MYO5B: variants seen among roughly 807,000 people sequenced by gnomAD.
MYO5B encodes the protein unconventional myosin-Vb.
A neutral mutation model predicts 229.3 loss-of-function variants in MYO5B; 143 were observed. That is an observed-to-expected ratio of 0.62 (90% CI 0.54 to 0.72). The LOEUF (loss-of-function observed/expected upper bound fraction) is 0.72, where lower values mean the gene tolerates loss of function less well. MYO5B is among the 30% of genes least tolerant of loss of function. The pLI, the probability that MYO5B is intolerant of heterozygous loss-of-function variation, is 0.00. For synonymous variants in MYO5B, 918 were observed against 885.2 expected, an observed-to-expected ratio of 1.04 and a Z score of -0.66; for missense variants, 2,321 against 2,331.0, an observed-to-expected ratio of 1.00 and a Z score of 0.09.
chr18:49,922,254 C>T (rs1017276186), intron 17 of MYO5B, among the ~76,000 whole-genome samples: 9 of 152,220 alleles, frequency 5.9e-5, no homozygotes, highest in African/African-American at 2.2e-4. Context: ...TCCCCAGACA[C>T]AGTAGGCATA....
chr18:50,036,021 T>G, intron 4 of MYO5B, among the ~76,000 whole-genome samples: 1 of 152,150 alleles, frequency 6.6e-6, no homozygotes, highest in East Asian at 1.9e-4. Flanking sequence ...ATTCTCCCCC[T>G]ACAAAAATCA....
intron 22 of MYO5B, among the ~76,000 whole-genome samples, chr18:49,887,614 C>T (rs2024658794): frequency 6.6e-6 from 1 of 152,176 alleles, no homozygotes; most frequent in Non-Finnish European, 1.5e-5. Flanking sequence ...CAGCACTACA[C>T]TTCCTGTACA....
chr18:49,864,220 T>A lies in MYO5B; in HGVS notation c.3764A>T (p.Glu1255Val). The change falls in exon 28 of 40, where the codon GAG (glutamate) becomes GTG (valine). Residue 1255 changes from glutamate (E) to valine (V), a missense_variant. Glu to Val is a moderately radical substitution (Grantham distance 121, BLOSUM62 -2). Around this residue, in one of 2 missense-constraint regions of MYO5B, gnomAD observed 2,113 missense variants for 2,044.7 expected, o/e 1.03. Transcript: ENST00000285039. The stretch of plus-strand genomic sequence containing the variant: ...GATGAGCACCTCCTCCTTGCGCACC[T>A]CGAGCTCCTCGTGGGCCAGCTTGAG... ...NQLKLAHEEL[E>V]VRKEEVLILR... 1 of 1,613,918 alleles carries A rather than the reference T, an allele frequency of 6.2e-7. No homozygotes were observed. The highest frequency in any genetic ancestry group is 8.5e-7 in the Non-Finnish European group (1 of 1,180,034).
chr18:49,860,188 G>T (rs1164257189), intron 29 of MYO5B, among the ~76,000 whole-genome samples: 1 of 152,090 alleles, frequency 6.6e-6, no homozygotes, highest in Non-Finnish European at 1.5e-5. Flanking sequence ...AGGAATCAAA[G>T]GAGCACTGTC....
At chr18:49,944,017 T>C (rs935141886) in intron 14 of MYO5B, among the ~76,000 whole-genome samples, 2 of 152,148 alleles carry the variant, frequency 1.3e-5, no homozygotes, top group African/African-American at 4.8e-5. Context: ...CAACGTACAA[T>C]GTACACAGTG....
intron 1 of MYO5B, among the ~76,000 whole-genome samples, chr18:50,078,903 T>C (rs891589648): frequency 5.9e-5 from 9 of 152,218 alleles, no homozygotes; most frequent in African/African-American, 2.2e-4. Flanking sequence ...CAGCATACTA[T>C]ACAGCAATGA....
chr18:50,080,153 C>T (rs990778761), intron 1 of MYO5B, among the ~76,000 whole-genome samples: 1 of 152,182 alleles, frequency 6.6e-6, no homozygotes, highest in Non-Finnish European at 1.5e-5. Flanking sequence ...AACAACCCAT[C>T]AACCAGTACC....
chr18:49,867,105 G>A (rs1237306120), intron 27 of MYO5B, among the ~76,000 whole-genome samples: 4 of 152,184 alleles, frequency 2.6e-5, no homozygotes, highest in African/African-American at 9.7e-5. Flanking sequence ...GCAGTGAGCT[G>A]GTCATCGCAG....
chr18:49,909,627 T>C (rs1241921576), intron 18 of MYO5B, among the ~76,000 whole-genome samples: 2 of 152,248 alleles, frequency 1.3e-5, no homozygotes, highest in Non-Finnish European at 2.9e-5. Flanking sequence ...GTCATTTATG[T>C]GTTCACAGTC....
chr18:49,991,142 A>C (rs2025928081), intron 6 of MYO5B, among the ~76,000 whole-genome samples: 1 of 152,162 alleles, frequency 6.6e-6, no homozygotes, highest in Non-Finnish European at 1.5e-5. Context: ...CCCACACCCA[A>C]CCCAGCAAGC....
At chr18:50,136,662 G>A (rs1616625) in intron 1 of MYO5B, among the ~76,000 whole-genome samples, 149,377 of 152,318 alleles carry the variant, frequency 0.98, 73,317 homozygotes, top group East Asian at 1. Flanking sequence ...GAAGGAGTAC[G>A]GATCTTAGGG....
At chr18:50,050,096 A>C (rs1598982092) in intron 2 of MYO5B, among the ~76,000 whole-genome samples, 2 of 152,224 alleles carry the variant, frequency 1.3e-5, no homozygotes, top group South Asian at 2.1e-4. Flanking sequence ...TTGTGTGTGT[A>C]CAATATAACC....
At chr18:49,847,802 G>T (rs527759839) in intron 32 of MYO5B, among the ~76,000 whole-genome samples, 1 of 152,364 alleles carries the variant, frequency 6.6e-6, no homozygotes, top group African/African-American at 2.4e-5. Flanking sequence ...GGTGTTCAGG[G>T]CAAGGCCTGG....
intron 16 of MYO5B, among the ~76,000 whole-genome samples, chr18:49,935,909 T>G (rs1411282813): frequency 6.6e-6 from 1 of 152,240 alleles, no homozygotes; most frequent in African/African-American, 2.4e-5. Flanking sequence ...AGAAAAGCCT[T>G]TCCTGACCAC....
chr18:50,040,802 C>T lies in MYO5B; in HGVS notation c.139-488G>A, dbSNP rs182043306. Among the ~76,000 whole-genome samples the T allele has an allele frequency of 4.6e-5, 7 of 152,240 alleles. No homozygotes were observed. In the East Asian group the frequency reaches 1.2e-3, roughly 25 times the overall value. On this transcript the variant is annotated intron_variant, in intron 2 of 39. Coordinates refer to ENST00000285039, the MANE Select transcript of MYO5B (RefSeq NM_001080467.3). ...ATATATTTCTCCCCAACTAACTGCA[C>T]GTTCTTCTAGGGCAGTAATTTTGCT... is the stretch of plus-strand genomic sequence containing the variant.
intron 14 of MYO5B, among the ~76,000 whole-genome samples, chr18:49,942,201 G>A (rs2025321647): frequency 6.6e-6 from 1 of 151,224 alleles, no homozygotes; most frequent in Admixed American, 6.6e-5. Flanking sequence ...TTGGATTAAA[G>A]ACTTAAATGT....
intron 4 of MYO5B, among the ~76,000 whole-genome samples, chr18:50,015,665 C>A (rs959065769): frequency 2.0e-5 from 3 of 152,182 alleles, no homozygotes; most frequent in African/African-American, 7.2e-5. Context: ...CAATTATCTT[C>A]TTTGGGGACA....
At chr18:49,880,039 G>T (rs1188865998) in intron 23 of MYO5B, among the ~76,000 whole-genome samples, 1 of 152,148 alleles carries the variant, frequency 6.6e-6, no homozygotes, top group African/African-American at 2.4e-5. Context: ...CCGATGTCTG[G>T]ACCTTTATGT....
intron 1 of MYO5B, among the ~76,000 whole-genome samples, chr18:50,077,502 AACAC>A (rs60086500): frequency 0.035 from 4,638 of 133,542 alleles, 80 homozygotes; most frequent in South Asian, 0.067. Flanking sequence ...CACACACACA[AACAC>A]ACACACACAC....
Sources: gnomAD v4.1 joint callset for allele counts (sites outside exome capture counted in the v4.1 genomes callset) on GRCh38, gnomAD v4.1.1 for gene constraint, gnomAD v4.1.1 regional missense constraint, MANE v1.5 for transcripts, NCBI Gene and HGNC (gene_info 2026-07-23, HGNC 2026-07-21) for gene names.